The following HTR4 variants were observed in gnomAD, a reference collection of about 807,000 sequenced individuals.
The protein encoded by HTR4 is 5-hydroxytryptamine receptor 4.
A neutral mutation model predicts 36.8 loss-of-function variants in HTR4; 16 were observed. The ratio of observed to expected loss-of-function variants is 0.43; its 90% confidence interval spans 0.29 to 0.66. The LOEUF is 0.66. HTR4 is among the 30% of genes least tolerant of loss of function. The pLI, the probability that HTR4 is intolerant of heterozygous loss-of-function variation, is 0.13. For missense variants in HTR4, 438 were observed against 490.9 expected, an observed-to-expected ratio of 0.89 and a Z score of 1.02; for synonymous variants, 189 against 185.1, an observed-to-expected ratio of 1.02 and a Z score of -0.17.
intron 4 of HTR4, among the ~76,000 whole-genome samples, chr5:148,532,835 T>C (rs1758639699): frequency 6.6e-6 from 1 of 152,210 alleles, no homozygotes; most frequent in South Asian, 2.1e-4. Flanking sequence ...TCAGAATCAC[T>C]TAAAGGATTT....
At chr5:148,631,778 T>C (rs1373171674) in intron 2 of HTR4, among the ~76,000 whole-genome samples, 1 of 152,186 alleles carries the variant, frequency 6.6e-6, no homozygotes, top group South Asian at 2.1e-4. Flanking sequence ...CTTGGTGTCA[T>C]GACAGAATTA....
At chr5:148,520,488 G>A (rs763859044) in intron 5 of HTR4, among the ~76,000 whole-genome samples, 3 of 152,174 alleles carry the variant, frequency 2.0e-5, no homozygotes, top group South Asian at 2.1e-4. Flanking sequence ...TAGGGAATAA[G>A]TTTAGCATAT....
intron 4 of HTR4, among the ~76,000 whole-genome samples, chr5:148,536,457 A>C (rs1758828739): frequency 1.3e-5 from 2 of 152,094 alleles, no homozygotes; most frequent in African/African-American, 4.8e-5. Flanking sequence ...GATTAAAAAA[A>C]AAAAGTGTGA....
At chr5:148,558,363 T>C (rs1760049589) in intron 2 of HTR4, among the ~76,000 whole-genome samples, 2 of 152,334 alleles carry the variant, frequency 1.3e-5, no homozygotes, top group Middle Eastern at 3.4e-3. Flanking sequence ...GATTAAACTT[T>C]AGACAGCCTT....
In HTR4 at chr5:148,483,228, A is replaced by C; in HGVS notation, c.1142T>G (p.Val381Gly). 6.2e-7 allele frequency: 1 copy of C among 1,614,038 alleles called. No homozygotes were observed. The highest frequency in any genetic ancestry group is 1.1e-5 in the South Asian group (1 of 91,072). ...QCHPPATSPL[V>G]AAQPSDT ...CTAAGTGTCACTGGGCTGAGCAGCC[A>C]CCAAAGGAGAAGTTGCTGGCGGGTG... The change falls in exon 7 of 7, where the codon GTG becomes GGG. Residue 381 changes from valine (V) to glycine (G), a missense_variant. Coordinates refer to ENST00000377888, the MANE Select transcript of HTR4 (RefSeq NM_000870.7).
intron 2 of HTR4, among the ~76,000 whole-genome samples, chr5:148,609,892 T>G (rs1246007000): frequency 6.6e-6 from 1 of 151,538 alleles, no homozygotes; most frequent in Non-Finnish European, 1.5e-5. Flanking sequence ...CAGCTGGTAT[T>G]TTTTTTTAAC....
chr5:148,590,360 G>A (rs190650791), intron 2 of HTR4, among the ~76,000 whole-genome samples: 5 of 118,712 alleles, frequency 4.2e-5, no homozygotes, highest in South Asian at 2.9e-4. Flanking sequence ...GTGCAATGGC[G>A]TGATCTTGGC....
At chr5:148,576,974 TA>T (rs1221602415) in intron 2 of HTR4, among the ~76,000 whole-genome samples, 1 of 152,086 alleles carries the variant, frequency 6.6e-6, no homozygotes, top group African/African-American at 2.4e-5. Flanking sequence ...AACTGGGATC[TA>T]ATTAAACTTA....
chr5:148,542,173 C>A (rs1378209794), intron 4 of HTR4, among the ~76,000 whole-genome samples: 1 of 152,194 alleles, frequency 6.6e-6, no homozygotes, highest in Non-Finnish European at 1.5e-5. Flanking sequence ...ACAGTTCAAA[C>A]CCTCTGGCAT....
chr5:148,561,015 T>C (rs2113866345), intron 2 of HTR4, among the ~76,000 whole-genome samples: 1 of 152,290 alleles, frequency 6.6e-6, no homozygotes, highest in Non-Finnish European at 1.5e-5. Flanking sequence ...ATGGAAATTA[T>C]ATATAATGGA....
At position 148,483,116 on chromosome 5, in the gene HTR4, A is replaced by G; in HGVS notation, c.*87T>C. The G allele has an allele frequency of 6.3e-7, 1 of 1,591,720 alleles. No homozygotes were observed. Among genetic ancestry groups the G allele is most frequent in the South Asian group, 1.1e-5 (1 of 88,574 alleles). ...ACGGAAAGCCTCAGGTGAAGAGAAT[A>G]CCGGGTGCAGTCGCGCACAAGCAGC... On this transcript the variant is annotated 3_prime_UTR_variant, in exon 7 of 7. Coordinates refer to ENST00000377888, the MANE Select transcript of HTR4 (RefSeq NM_000870.7).
chr5:148,454,464 A>G (rs1162011739), intron 5 of HTR4, among the ~76,000 whole-genome samples: 1 of 152,214 alleles, frequency 6.6e-6, no homozygotes, highest in Non-Finnish European at 1.5e-5. Flanking sequence ...TTGAATGAAG[A>G]GTATGTAATG....
intron 2 of HTR4, among the ~76,000 whole-genome samples, chr5:148,624,456 T>A (rs1753023891): frequency 6.6e-6 from 1 of 152,184 alleles, no homozygotes; most frequent in African/African-American, 2.4e-5. Flanking sequence ...TTACACTCAT[T>A]GAGCATTCAG....
chr5:148,547,258 T>C (rs902953328), intron 4 of HTR4, among the ~76,000 whole-genome samples: 4 of 152,148 alleles, frequency 2.6e-5, no homozygotes, highest in Non-Finnish European at 5.9e-5. Flanking sequence ...TAAAAGTGTG[T>C]ATGTTAGATA....
chr5:148,555,517 C>T (rs1759906427), intron 2 of HTR4, among the ~76,000 whole-genome samples: 1 of 152,098 alleles, frequency 6.6e-6, no homozygotes, highest in South Asian at 2.1e-4. Flanking sequence ...AAAGTAAGTC[C>T]AGTAATGACA....
intron 2 of HTR4, among the ~76,000 whole-genome samples, chr5:148,560,134 T>A (rs2113864998): frequency 6.6e-6 from 1 of 151,882 alleles, no homozygotes; most frequent in Non-Finnish European, 1.5e-5. Flanking sequence ...TGGGTTCTTG[T>A]ACTAAGTTCT....
intron 1 of HTR4, among the ~76,000 whole-genome samples, chr5:148,649,489 T>C (rs1446368992): frequency 6.6e-6 from 1 of 152,198 alleles, no homozygotes; most frequent in Non-Finnish European, 1.5e-5. Flanking sequence ...ATATTTTTCT[T>C]AACTTAGACT....
intron 2 of HTR4, among the ~76,000 whole-genome samples, chr5:148,610,177 C>G (rs1752361641): frequency 6.6e-6 from 1 of 152,180 alleles, no homozygotes; most frequent in South Asian, 2.1e-4. Context: ...GGATAGAAAG[C>G]TCCTAAAGGT....
At chr5:148,615,543 G>T (rs1232226606) in intron 2 of HTR4, among the ~76,000 whole-genome samples, 4 of 98,232 alleles carry the variant, frequency 4.1e-5, no homozygotes, top group Admixed American at 1.3e-4. Context: ...GGTGGGGGGA[G>T]GGGGGAGGGA....
Sources: allele counts gnomAD v4.1 joint callset (sites outside exome capture counted in the v4.1 genomes callset), GRCh38; gene constraint gnomAD v4.1.1; transcripts MANE v1.5; gene names NCBI Gene and HGNC (gene_info 2026-07-23, HGNC 2026-07-21).